ATP6V1C2: variants seen among roughly 807,000 people sequenced by gnomAD.
ATP6V1C2 encodes the protein V-type proton ATPase subunit C 2.
A neutral mutation model predicts 56.8 loss-of-function variants in ATP6V1C2; 45 were observed. The observed-to-expected ratio is 0.79, with a 90% CI of 0.62 to 1.02. The LOEUF (loss-of-function observed/expected upper bound fraction) is 1.02, where lower values mean the gene tolerates loss of function less well. Among genes scored for constraint, ATP6V1C2 ranks in the 50% least tolerant of loss-of-function variants. The pLI, the probability that ATP6V1C2 is intolerant of heterozygous loss-of-function variation, is 0.00. For missense variants in ATP6V1C2, 463 were observed against 519.7 expected, an observed-to-expected ratio of 0.89 and a Z score of 1.06; for synonymous variants, 220 against 201.3, an observed-to-expected ratio of 1.09 and a Z score of -0.79.
chr2:10,772,635 C>T, intron 8 of ATP6V1C2, 25 bp downstream of exon 8: 7 of 1,602,630 alleles, frequency 4.4e-6, no homozygotes, highest in Non-Finnish European at 6.0e-6. Context: ...AGCTTGGTCC[C>T]AGGGCCCCTG....
At chr2:10,735,772 A>C (rs1441338577) in intron 3 of ATP6V1C2, among the ~76,000 whole-genome samples, 1 of 150,266 alleles carries the variant, frequency 6.7e-6, no homozygotes, top group African/African-American at 2.5e-5. Flanking sequence ...TCTTTTGTAG[A>C]GATGGGGGTC....
chr2:10,734,609 A>G (rs113837130), intron 3 of ATP6V1C2, among the ~76,000 whole-genome samples: 181 of 152,230 alleles, frequency 1.2e-3, no homozygotes, highest in Middle Eastern at 3.4e-3. Context: ...AGAAGATCCT[A>G]GAAAGACAAA....
rs777359982 is a variant in ATP6V1C2 at position 10,784,292 on chromosome 2, A to T, written c.*1029A>T. ...ATCTTTCCCTAAGTCATCAAGCTCCACATCACTGAGGTCAATGTCATCCTC... is the reference window on the plus strand; with the variant it reads ...ATCTTTCCCTAAGTCATCAAGCTCCTCATCACTGAGGTCAATGTCATCCTC... On this transcript the variant is annotated 3_prime_UTR_variant, in exon 14 of 14. Coordinates refer to ENST00000272238, the MANE Select transcript of ATP6V1C2 (RefSeq NM_001039362.2). The T allele has an allele frequency of 1.2e-6, 2 of 1,613,560 alleles. No individual in the cohort carries two copies. Among genetic ancestry groups the T allele is most frequent in the Non-Finnish European group, 8.5e-7 (1 of 1,179,914 alleles).
At chr2:10,725,333 T>G (rs1435151133) in intron 2 of ATP6V1C2, among the ~76,000 whole-genome samples, 1 of 151,540 alleles carries the variant, frequency 6.6e-6, no homozygotes, top group African/African-American at 2.4e-5. Context: ...AAGAATCACT[T>G]GAACCTGGGA....
intron 5 of ATP6V1C2, among the ~76,000 whole-genome samples, chr2:10,767,159 C>CTT (rs33943682): frequency 0.3 from 32,693 of 109,154 alleles, 7,110 homozygotes; most frequent in East Asian, 0.44. Flanking sequence ...CATTTTTTAT[C>CTT]TTTTTTTTTT....
chr2:10,721,011 G>GCCCCCCCCCCCCCCCC (rs377253459), upstream of ATP6V1C2: 1 of 151,996 alleles, frequency 6.6e-6, no homozygotes, highest in African/African-American at 2.4e-5. Context: ...AGTTGTAACC[G>GCCCCCCCCCCCCCCCC]CCCCCCCACC....
At position 10,768,714 on chromosome 2, in the gene ATP6V1C2, A is replaced by T; in HGVS notation, c.379-5A>T. 6.2e-7 allele frequency: 1 copy of T among 1,613,908 alleles called. No homozygotes were observed. The highest frequency in any genetic ancestry group is 8.5e-7 in the Non-Finnish European group (1 of 1,179,956). ...TCACCTGGAGCTTTTGCTTTCCCAA[A>T]ACAGCAACTGGCGCAGATCGAGATG... On this transcript the variant is annotated splice_polypyrimidine_tract_variant and splice_region_variant and intron_variant, in intron 5 of 13. Transcript: ENST00000272238.
intron 12 of ATP6V1C2, among the ~76,000 whole-genome samples, chr2:10,779,687 G>GAA (rs555256673): frequency 4.2e-4 from 22 of 52,108 alleles, no homozygotes; most frequent in South Asian, 7.8e-4. Context: ...TCCGGCTATA[G>GAA]AAAAAAAAAA....
At chr2:10,767,806 A>G (rs1010637004) in intron 5 of ATP6V1C2, 3 of 152,134 alleles carry the variant, frequency 2.0e-5, no homozygotes, top group African/African-American at 4.8e-5. Context: ...CATTTTAATT[A>G]TATTTATTTT....
chr2:10,747,662 C>A (rs1662994224), intron 3 of ATP6V1C2, among the ~76,000 whole-genome samples: 1 of 151,748 alleles, frequency 6.6e-6, no homozygotes, highest in African/African-American at 2.4e-5. Context: ...GAGTTTGAGA[C>A]CAGTCTGGAC....
At chr2:10,729,755 T>C (rs961401222) in intron 3 of ATP6V1C2, among the ~76,000 whole-genome samples, 3 of 152,100 alleles carry the variant, frequency 2.0e-5, no homozygotes, top group Non-Finnish European at 2.9e-5. Flanking sequence ...CTTGGGAGGC[T>C]GAGGTGAAAG....
At chr2:10,779,712 A>G (rs182711499) in intron 12 of ATP6V1C2, among the ~76,000 whole-genome samples, 4,978 of 145,984 alleles carry the variant, frequency 0.034, 179 homozygotes, top group Non-Finnish European at 0.051. Context: ...AAAAAACTTC[A>G]CTGTGGGAAA....
chr2:10,781,368 C>A (rs1477609240), intron 12 of ATP6V1C2, among the ~76,000 whole-genome samples: 2 of 152,026 alleles, frequency 1.3e-5, no homozygotes, highest in Admixed American at 1.3e-4. Flanking sequence ...ATCCCAGCTA[C>A]TTGGGAGGCT....
At chr2:10,771,749 G>A (rs939333891) in intron 6 of ATP6V1C2, 90 bp from the exon 7 acceptor site, 3 of 960,854 alleles carry the variant, frequency 3.1e-6, no homozygotes, top group Admixed American at 1.7e-5. Flanking sequence ...CTTGAGAACT[G>A]CCCCCAGTGC....
chr2:10,782,804 C>T (rs892669902), intron 13 of ATP6V1C2, among the ~76,000 whole-genome samples: 1 of 128,048 alleles, frequency 7.8e-6, no homozygotes, highest in Non-Finnish European at 1.5e-5. Context: ...ACACTCCAGC[C>T]TGGCGACAGA....
intron 10 of ATP6V1C2, among the ~76,000 whole-genome samples, chr2:10,776,394 C>T (rs1378378561): frequency 2.0e-5 from 3 of 152,248 alleles, no homozygotes; most frequent in East Asian, 1.9e-4. Context: ...GGGAGGGTGT[C>T]GCCTCCTGAG....
chr2:10,758,111 C>T (rs988834406), intron 4 of ATP6V1C2, among the ~76,000 whole-genome samples: 1 of 152,146 alleles, frequency 6.6e-6, no homozygotes, highest in African/African-American at 2.4e-5. Flanking sequence ...GAAAAAATTA[C>T]CTTGTCAAGT....
At chr2:10,734,113 T>TTGCATGTCTCTGTA in intron 3 of ATP6V1C2, among the ~76,000 whole-genome samples, 1 of 152,314 alleles carries the variant, frequency 6.6e-6, no homozygotes, top group African/African-American at 2.4e-5. Context: ...TAGACCGCGG[T>TTGCATGTCTCTGTA]TGCATGTCTC....
intron 3 of ATP6V1C2, among the ~76,000 whole-genome samples, chr2:10,728,962 C>CAAAAAAAAAAAA (rs1282538752): frequency 8.9e-6 from 1 of 112,748 alleles, no homozygotes; most frequent in Non-Finnish European, 1.8e-5. Context: ...CATGAAAATA[C>CAAAAAAAAAAAA]AAAAAAAAAA....
Sources: allele counts gnomAD v4.1 joint callset (sites outside exome capture counted in the v4.1 genomes callset), GRCh38; gene constraint gnomAD v4.1.1; transcripts MANE v1.5; gene names NCBI Gene and HGNC (gene_info 2026-07-23, HGNC 2026-07-21).